ABCC5: variants seen among roughly 807,000 people sequenced by gnomAD.
ABCC5 encodes the protein ATP-binding cassette sub-family C member 5.
In ABCC5, 61 loss-of-function variants were observed where a neutral mutation model predicts 160.9. The ratio of observed to expected loss-of-function variants is 0.38; its 90% CI spans 0.31 to 0.47. The LOEUF is 0.47. ABCC5 is among the 20% of genes least tolerant of loss of function. The probability of loss-of-function intolerance (pLI) is 0.99; values close to 1 mark genes in which losing one functional copy is unlikely to be tolerated. For missense variants in ABCC5, 1,308 were observed against 1,813.3 expected (o/e 0.72, Z 5.06); for synonymous variants, 666 against 700.6 (o/e 0.95, Z 0.78).
rs1713357469 is a variant in ABCC5, at chr3:183,933,271, C to A, written c.3855-4446G>T. Among the ~76,000 whole-genome samples the A allele has an allele frequency of 2.6e-5, 4 of 151,660 alleles. No individual in the cohort carries two copies. The South Asian group carries it at 8.3e-4, about 31-fold the overall frequency. On this transcript the variant is annotated intron_variant, in intron 26 of 29. Transcript: ENST00000334444. Reference sequence around the variant, plus strand: ...TTCTTGCTAATGAATGGGCACCAGGCAGAAGTGCTCCGGGTAGACAAGGTA... The same window carrying A: ...TTCTTGCTAATGAATGGGCACCAGGAAGAAGTGCTCCGGGTAGACAAGGTA...
intron 26 of ABCC5, among the ~76,000 whole-genome samples, chr3:183,936,334 T>C (rs978061953): frequency 6.6e-6 from 1 of 152,142 alleles, no homozygotes; most frequent in Non-Finnish European, 1.5e-5. Context: ...CTATGGTATG[T>C]TGGTATATAC....
chr3:183,955,791 T>TGCAGGTTACAG lies in ABCC5; in HGVS notation c.2483-2522_2483-2521insCTGTAACCTGC, dbSNP rs1280010549. Among the ~76,000 whole-genome samples, 4 of 143,340 alleles carry TGCAGGTTACAG rather than the reference T, an allele frequency of 2.8e-5. No individual in the cohort carries two copies. The Admixed American group carries it at 2.9e-4, about 10-fold the overall frequency. The allele number at this position is 143,340 out of a possible 152,430, so 94.0% of individuals were successfully genotyped here. On this transcript the variant is annotated intron_variant, in intron 17 of 29. Coordinates refer to ENST00000334444, the MANE Select transcript of ABCC5 (RefSeq NM_005688.4). ...CTGTGTGTATATTACATCTGTTACA[T>TGCAGGTTACAG]GCAGATCCATGTGTATATCACATCA...
chr3:184,004,828 A>G (rs1721050043), intron 2 of ABCC5, among the ~76,000 whole-genome samples: 1 of 152,256 alleles, frequency 6.6e-6, no homozygotes, highest in Non-Finnish European at 1.5e-5. Context: ...AAAGCCAAAC[A>G]ATTATAAGCA....
chr3:183,958,801 TG>T lies in ABCC5; in HGVS notation c.2482+931del, dbSNP rs1378070182. Among the ~76,000 whole-genome samples the T allele has an allele frequency of 7.2e-5, 11 of 152,164 alleles. No individual in the cohort carries two copies. In the East Asian group the frequency reaches 2.1e-3, roughly 29 times the overall value. On this transcript the variant is annotated intron_variant, in intron 17 of 29. Coordinates refer to ENST00000334444, the MANE Select transcript of ABCC5 (RefSeq NM_005688.4). ...TTTTGGAGAGAAGCGGGGCGTGCCA[TG>T]TTGCCCAGGCTGGTCCTGAACTCCT...
intron 26 of ABCC5, among the ~76,000 whole-genome samples, chr3:183,934,961 T>G (rs147459799): frequency 9.8e-5 from 15 of 152,348 alleles, no homozygotes; most frequent in Admixed American, 2.0e-4. Flanking sequence ...CTTTATTTCT[T>G]AATTCTCTTC....
intron 17 of ABCC5, among the ~76,000 whole-genome samples, chr3:183,957,595 T>C (rs1716226494): frequency 6.6e-6 from 1 of 152,088 alleles, no homozygotes; most frequent in African/African-American, 2.4e-5. Flanking sequence ...CTTATCCGTG[T>C]GTACATCACA....
chr3:183,985,635 G>A (rs934186081), intron 5 of ABCC5: 6 of 530,560 alleles, frequency 1.1e-5, no homozygotes, highest in South Asian at 9.5e-5. Flanking sequence ...GATCATAGGT[G>A]AGGCCTGGTC....
At chr3:183,945,197 T>C (rs1263799249) in intron 24 of ABCC5, among the ~76,000 whole-genome samples, 3 of 152,218 alleles carry the variant, frequency 2.0e-5, no homozygotes, top group East Asian at 3.8e-4. Context: ...GGTAGTTCTT[T>C]ACAGCAGTGT....
rs991519713 is a variant in ABCC5, at chr3:183,971,577, G to C, written c.1747C>G (p.Leu583Val). 1 of 1,613,604 alleles carries C rather than the reference G, an allele frequency of 6.2e-7. No homozygotes were observed. Among genetic ancestry groups the C allele is most frequent in the African/African-American group, 1.3e-5 (1 of 75,000 alleles). The stretch of plus-strand genomic sequence containing the variant: ...GGACCACTTACCTCTTGGATCTCCA[G>C]ATCGATGCTGTGCAGTGTCCTCTGT... ...RLQRTLHSID[L>V]EIQEGKLVGI... Residue 583 changes from leucine (L) to valine (V), a missense_variant, in exon 11 of 30, where the codon CTG (leucine) becomes GTG (valine). Leu to Val is a conservative substitution (Grantham distance 32). This residue lies in a region of ABCC5 where 1,142 missense variants were observed against 1,527.1 expected (regional missense o/e 0.75). Transcript: ENST00000334444.
In ABCC5 at chr3:183,937,914, T is replaced by C. The variant is rs1713904806; in HGVS notation, c.3841A>G (p.Ser1281Gly). 2 of 1,614,050 alleles carry C rather than the reference T, an allele frequency of 1.2e-6. No homozygotes were observed. The highest frequency in any genetic ancestry group is 1.3e-5 in the African/African-American group (1 of 74,940). Residue 1281 changes from serine to glycine, a missense_variant, in exon 26 of 30, where the codon AGT (serine) becomes GGT (glycine). By Grantham distance (56) the Ser-to-Gly change is moderately conservative. Coordinates refer to ENST00000334444, the MANE Select transcript of ABCC5 (RefSeq NM_005688.4). ...SIIPQEPVLF[S>G]GTVRSNLDPF... ...TCAGGTCCTCACCTGACAGTGCCAC[T>C]GAACAGCACCGGCTCTTGAGGAATG...
At chr3:183,954,797 G>A (rs574146536) in intron 17 of ABCC5, among the ~76,000 whole-genome samples, 2 of 152,266 alleles carry the variant, frequency 1.3e-5, no homozygotes, top group Admixed American at 1.3e-4. Context: ...GCCTCAGGAG[G>A]TCCTGAGAAC....
At chr3:183,966,651 C>T (rs1423458213) in intron 12 of ABCC5, among the ~76,000 whole-genome samples, 1 of 152,228 alleles carries the variant, frequency 6.6e-6, no homozygotes, top group East Asian at 1.9e-4. Context: ...GGTTGGTCAT[C>T]ATAAATCACC....
chr3:183,966,323 G>A (rs1307042035), intron 12 of ABCC5, among the ~76,000 whole-genome samples: 2 of 152,228 alleles, frequency 1.3e-5, no homozygotes, highest in Non-Finnish European at 2.9e-5. Flanking sequence ...AAAGGGTTCA[G>A]AAGTCCCCAG....
Position 183,950,085 on chromosome 3 carries a change from C to T in ABCC5, c.2985G>A (p.Gln995=). Residue 995 remains glutamine (Q), a synonymous_variant, in exon 21 of 30, where the codon CAG becomes CAA. Coordinates refer to ENST00000334444, the MANE Select transcript of ABCC5 (RefSeq NM_005688.4). The stretch of plus-strand genomic sequence containing the variant: ...CACAGAAGAACACCAGGATAACGTT[C>T]TGGATGAACATCTCGGCCTGGAACG... The part of the protein sequence containing the change: ...RLPFQAEMFI[Q]NVILVFFCVG... 6.2e-7 allele frequency: 1 copy of T among 1,614,072 alleles called. No homozygotes were observed. Among genetic ancestry groups the T allele is most frequent in the South Asian group, 1.1e-5 (1 of 91,070 alleles).
At position 183,998,958 on chromosome 3, in the gene ABCC5, C is replaced by T. The variant is rs143432906; in HGVS notation, c.130-9575G>A. Among the ~76,000 whole-genome samples the T allele has an allele frequency of 4.9e-3, 738 of 152,014 alleles. 7 individuals carry two copies. Among genetic ancestry groups the T allele is most frequent in the South Asian group, 0.017 (84 of 4,808 alleles). On this transcript the variant is annotated intron_variant, in intron 2 of 29. Coordinates refer to ENST00000334444, the MANE Select transcript of ABCC5 (RefSeq NM_005688.4). Reference sequence around the variant, plus strand: ...TACAAAAATTAGGCGGGCATGGTGGCACATGCCTATAGTCCCAGCTACTCG... The same window carrying T: ...TACAAAAATTAGGCGGGCATGGTGGTACATGCCTATAGTCCCAGCTACTCG...
chr3:183,928,375 G>A (rs149220608), intron 27 of ABCC5, among the ~76,000 whole-genome samples: 1 of 152,116 alleles, frequency 6.6e-6, no homozygotes, highest in Non-Finnish European at 1.5e-5. Flanking sequence ...GCCTCCCAAA[G>A]TGCTGGGATT....
At chr3:183,927,184 T>C in intron 28 of ABCC5, 146 bp downstream of exon 28, 1 of 764,444 alleles carries the variant, frequency 1.3e-6, no homozygotes, top group African/African-American at 1.8e-5. Flanking sequence ...CCAAATTGTG[T>C]CAGGGTTAGA....
At chr3:183,968,668 A>C (rs971104870) in intron 11 of ABCC5, among the ~76,000 whole-genome samples, 35 of 152,236 alleles carry the variant, frequency 2.3e-4, no homozygotes, top group African/African-American at 6.8e-4. Context: ...AGTGGTGTTG[A>C]AAGTTTTCAA....
chr3:183,921,965 A>G lies in ABCC5; in HGVS notation c.4213-564T>C, dbSNP rs1712021175. ...AGAATCGCTTGAACCCAGGAGGTGG[A>G]GGTTGCAGTGAACTGAGATTGTACC... On this transcript the variant is annotated intron_variant, in intron 29 of 29. Transcript: ENST00000334444. This position sits in a 1 kb window ranked among gnomAD's most constrained non-coding sequence, Gnocchi z 4.1. Among the ~76,000 whole-genome samples the G allele has an allele frequency of 6.6e-6, 1 of 151,984 alleles. No homozygotes were observed. Among genetic ancestry groups the G allele is most frequent in the South Asian group, 2.1e-4 (1 of 4,802 alleles).
Sources: allele counts gnomAD v4.1 joint callset (sites outside exome capture counted in the v4.1 genomes callset), GRCh38; gene constraint gnomAD v4.1.1; regional missense constraint gnomAD v4.1.1; non-coding constraint Gnocchi (gnomAD v3.1); transcripts MANE v1.5; gene names NCBI Gene and HGNC (gene_info 2026-07-23, HGNC 2026-07-21).